Variants in AKAP13 observed in about 807,000 individuals in gnomAD.
The protein encoded by AKAP13 is A-kinase anchor protein 13.
In AKAP13, 80 loss-of-function variants were observed where a neutral mutation model predicts 264.5. That is an observed-to-expected ratio of 0.30 (90% CI 0.25 to 0.36). AKAP13 has a LOEUF of 0.36. Ranked by LOEUF, AKAP13 falls within the 10% of genes least tolerant of loss-of-function variation. The pLI is 1.00. For missense variants in AKAP13, 3,712 were observed against 3,435.2 expected, an observed-to-expected ratio of 1.08 and a Z score of -2.01; for synonymous variants, 1,380 against 1,250.2, an observed-to-expected ratio of 1.10 and a Z score of -2.19.
At chr15:85,596,639 A>G (rs1192740821) in intron 8 of AKAP13, among the ~76,000 whole-genome samples, 1 of 152,198 alleles carries the variant, frequency 6.6e-6, no homozygotes, top group Non-Finnish European at 1.5e-5. Context: ...TTATGGAGGT[A>G]TAAAAACGAG....
At position 85,743,362 on chromosome 15, in the gene AKAP13, T is replaced by G. The variant is rs929351829; in HGVS notation, c.8059-130T>G. On this transcript the variant is annotated intron_variant, in intron 35 of 36. Transcript: ENST00000394518. Reference sequence around the variant, plus strand: ...CTCTATGCAGTCCACAGACGTGAGCTCTGTAGAGTTCGCAGAGGTGGGTAA... The same window carrying G: ...CTCTATGCAGTCCACAGACGTGAGCGCTGTAGAGTTCGCAGAGGTGGGTAA... 5.5e-6 allele frequency: 5 copies of G among 901,964 alleles called. No homozygotes were observed. In the African/African-American group the frequency reaches 8.4e-5, roughly 15 times the overall value. The allele number at this position is 901,964 out of a possible 1,614,324, so 55.9% of individuals were successfully genotyped here.
At chr15:85,651,622 T>G (rs2082854022) in intron 10 of AKAP13, 1 of 152,208 alleles carries the variant, frequency 6.6e-6, no homozygotes, top group African/African-American at 2.4e-5. Flanking sequence ...GCTACTGAAG[T>G]GAGCACCCAT....
chr15:85,492,649 C>G (rs2075762886), intron 2 of AKAP13, among the ~76,000 whole-genome samples: 1 of 152,182 alleles, frequency 6.6e-6, no homozygotes, highest in African/African-American at 2.4e-5. Context: ...ATGTAATACT[C>G]TTACATGATG....
chr15:85,697,386 T>C (rs949837499), intron 17 of AKAP13, among the ~76,000 whole-genome samples: 1 of 152,072 alleles, frequency 6.6e-6, no homozygotes, highest in Non-Finnish European at 1.5e-5. Context: ...CTGACCAACA[T>C]GGTGAAACCC....
At chr15:85,475,675 C>T (rs1281622142) in intron 1 of AKAP13, among the ~76,000 whole-genome samples, 1 of 152,202 alleles carries the variant, frequency 6.6e-6, no homozygotes, top group South Asian at 2.1e-4. Context: ...GGCTGGATTG[C>T]TTAACACTTA....
rs960035836 is a variant in AKAP13, at chr15:85,529,357, C to A, written c.182-4227C>A. Among the ~76,000 whole-genome samples, 4 of 152,134 alleles carry A rather than the reference C, an allele frequency of 2.6e-5. No individual in the cohort carries two copies. In the South Asian group the frequency reaches 8.3e-4, roughly 32 times the overall value. On this transcript the variant is annotated intron_variant, in intron 3 of 36. Transcript: ENST00000394518. Reference sequence around the variant, plus strand: ...AATGGTGTGAACCCGGGACGCAGAGCTTGCAGTGAGCCGAGATCGTGCCAC... The same window carrying A: ...AATGGTGTGAACCCGGGACGCAGAGATTGCAGTGAGCCGAGATCGTGCCAC...
rs56793112 is a variant in AKAP13, at chr15:85,709,659, AATTTTATTTT to A, written c.5533-883_5533-874del. ...TAAGAGAATATAACCTAAAAGGGGG[AATTTTATTTT>A]ATTTTATTTTATTTTATTTTATTTT... is the stretch of plus-strand genomic sequence containing the variant. On this transcript the variant is annotated intron_variant, in intron 18 of 36. Coordinates refer to ENST00000394518, the MANE Select transcript of AKAP13 (RefSeq NM_007200.5). Among the ~76,000 whole-genome samples the A allele has an allele frequency of 4.1e-3, 562 of 137,854 alleles. 4 individuals carry two copies. Among genetic ancestry groups the A allele is most frequent in the African/African-American group, 0.012 (447 of 37,998 alleles). 90.4% of individuals were successfully genotyped at this position (137,854 alleles called of 152,430 possible). A position where few individuals can be genotyped will look rare whatever the true frequency, so the allele number is the denominator to read the frequency against.
intron 8 of AKAP13, among the ~76,000 whole-genome samples, chr15:85,633,367 GC>G (rs1434961499): frequency 1.7e-5 from 2 of 117,518 alleles, no homozygotes; most frequent in African/African-American, 3.6e-5. Context: ...AATAATAGGG[GC>G]GGGGGGGGAG....
chr15:85,723,458 T>G, intron 26 of AKAP13, 138 bp downstream of exon 26: 2 of 1,240,810 alleles, frequency 1.6e-6, no homozygotes, highest in Non-Finnish European at 1.1e-6. Context: ...CAACAAGCAT[T>G]TAGTTCTTCG....
intron 8 of AKAP13, among the ~76,000 whole-genome samples, chr15:85,606,220 G>T (rs1442521787): frequency 6.7e-6 from 1 of 149,242 alleles, no homozygotes; most frequent in Non-Finnish European, 1.5e-5. Context: ...TCCTGCCTCA[G>T]CCTCCTGAGT....
At chr15:85,483,632 C>CA (rs35648447) in intron 1 of AKAP13, among the ~76,000 whole-genome samples, 8,748 of 57,846 alleles carry the variant, frequency 0.15, 805 homozygotes, top group East Asian at 0.4. Flanking sequence ...GACTCCGTCT[C>CA]AAAAAAAAAA....
At chr15:85,633,525 C>CT (rs1169985569) in intron 8 of AKAP13, among the ~76,000 whole-genome samples, 13 of 122,176 alleles carry the variant, frequency 1.1e-4, no homozygotes, top group Non-Finnish European at 1.7e-4. Context: ...CTCTGAATGA[C>CT]TTTTTTTTTC....
chr15:85,386,756 C>T (rs2070583502), intron 1 of AKAP13, among the ~76,000 whole-genome samples: 1 of 146,892 alleles, frequency 6.8e-6, no homozygotes, highest in African/African-American at 2.5e-5. Flanking sequence ...TGTTGATTAC[C>T]TTTGTGCCTT....
chr15:85,595,572 ACTT>A, intron 8 of AKAP13, among the ~76,000 whole-genome samples: 1 of 152,200 alleles, frequency 6.6e-6, no homozygotes, highest in Non-Finnish European at 1.5e-5. Flanking sequence ...AGAGAGGAAT[ACTT>A]CTTGAAAAGT....
chr15:85,489,884 A>T (rs1232268780), intron 2 of AKAP13, among the ~76,000 whole-genome samples: 1 of 152,248 alleles, frequency 6.6e-6, no homozygotes, highest in African/African-American at 2.4e-5. Flanking sequence ...TGTTCACCAT[A>T]AAATGTGCAG....
intron 10 of AKAP13, among the ~76,000 whole-genome samples, chr15:85,650,780 A>AAAAAAAAAAAAAAAAAAAAAAAAAAAAAT (rs1567175452): frequency 6.9e-6 from 1 of 145,798 alleles, no homozygotes; most frequent in African/African-American, 2.5e-5. Flanking sequence ...AAAAAAAAAA[A>AAAAAAAAAAAAAAAAAAAAAAAAAAAAAT]AAAAAAAAAA....
chr15:85,566,042 T>C (rs1376708165), intron 5 of AKAP13, among the ~76,000 whole-genome samples: 1 of 152,208 alleles, frequency 6.6e-6, no homozygotes, highest in East Asian at 1.9e-4. Flanking sequence ...CATGGTAACA[T>C]TAAGTTAGAG....
chr15:85,645,237 C>T (rs955332580), intron 9 of AKAP13, among the ~76,000 whole-genome samples: 7 of 152,128 alleles, frequency 4.6e-5, no homozygotes, highest in African/African-American at 1.7e-4. Context: ...TGTCACAGAC[C>T]CCTCCCTCTA....
intron 1 of AKAP13, chr15:85,389,826 A>C (rs2070764515): frequency 1.3e-5 from 2 of 152,236 alleles, no homozygotes; most frequent in African/African-American, 4.8e-5. Context: ...CCCGTGGGGG[A>C]GTCTTCCAGT....
Sources: allele counts gnomAD v4.1 joint callset (sites outside exome capture counted in the v4.1 genomes callset), GRCh38; gene constraint gnomAD v4.1.1; transcripts MANE v1.5; gene names NCBI Gene and HGNC (gene_info 2026-07-23, HGNC 2026-07-21).